CIB1: variants seen among roughly 807,000 people sequenced by gnomAD.
CIB1 encodes calcium and integrin-binding protein 1.
Under a neutral mutation model 25.0 loss-of-function variants are expected in CIB1, and 19 were observed. The observed-to-expected ratio is 0.76, with a 90% CI of 0.53 to 1.12. The LOEUF (loss-of-function observed/expected upper bound fraction) is 1.12, where lower values mean the gene tolerates loss of function less well. CIB1 is among the 50% of genes most tolerant of loss of function. CIB1 has a pLI of 0.00. For synonymous variants in CIB1, 104 were observed against 98.5 expected (o/e 1.06, Z -0.33); for missense variants, 236 against 242.6 (o/e 0.97, Z 0.18).
In CIB1 at chr15:90,230,399, C is replaced by T. The variant is rs1596169611; in HGVS notation, c.*85G>A. On this transcript the variant is annotated 3_prime_UTR_variant, in exon 7 of 7. Coordinates refer to ENST00000328649, the MANE Select transcript of CIB1 (RefSeq NM_006384.4). ...CCAGGCTGGGCCAGCTTGGCCCGCACTGGCAACACAGGCTTGACCTTGGCC... is the reference window on the plus strand; with the variant it reads ...CCAGGCTGGGCCAGCTTGGCCCGCATTGGCAACACAGGCTTGACCTTGGCC... 1 of 1,514,332 alleles carries T rather than the reference C, an allele frequency of 6.6e-7. No individual in the cohort carries two copies. Among genetic ancestry groups the T allele is most frequent in the East Asian group, 2.5e-5 (1 of 40,696 alleles). 93.8% of individuals were successfully genotyped at this position (1,514,332 alleles called of 1,614,324 possible). A position where few individuals can be genotyped will look rare whatever the true frequency, so the allele number is the denominator to read the frequency against.
chr15:90,231,104 G>A lies in CIB1; in HGVS notation c.456C>T (p.Leu152=), dbSNP rs762300810. Residue 152 remains leucine, a synonymous_variant, in exon 5 of 7, where the codon CTC becomes CTT. Coordinates refer to ENST00000328649, the MANE Select transcript of CIB1 (RefSeq NM_006384.4). ...CTGCTCAGCTGCTCACGTTGTCGAT[G>A]AGCTGCTTCATCTCAGACGCACTAA... ...TRLSASEMKQ[L]IDNILEESDI... 1.9e-6 allele frequency: 3 copies of A among 1,614,172 alleles called. No individual in the cohort carries two copies. The highest frequency in any genetic ancestry group is 8.5e-7 in the Non-Finnish European group (1 of 1,179,988).
At chr15:90,241,204 A>T in the CIB1 span, 11 of 1,614,176 alleles carry the variant, frequency 6.8e-6, no homozygotes, top group Non-Finnish European at 8.5e-6. Flanking sequence ...GCTCAGCTGA[A>T]TGTGGAGCGT....
chr15:90,261,283 T>C, the CIB1 span, among the ~76,000 whole-genome samples: 1 of 151,698 alleles, frequency 6.6e-6, no homozygotes, highest in Non-Finnish European at 1.5e-5. Context: ...TTCGCTATGT[T>C]GGCCAGGCTG....
chr15:90,257,488 C>A, the CIB1 span: 3 of 968,494 alleles, frequency 3.1e-6, no homozygotes, highest in Non-Finnish European at 4.5e-6. Context: ...ACACTCTTCC[C>A]CAGGATCATC....
At chr15:90,246,745 G>GCCA in the CIB1 span, among the ~76,000 whole-genome samples, 1 of 124,846 alleles carries the variant, frequency 8.0e-6, no homozygotes, top group Non-Finnish European at 1.6e-5. Context: ...CCGAGATTGA[G>GCCA]CCATTGCACT....
rs900284013 is a variant in CIB1, at chr15:90,232,341, G to C, written c.87-14C>G. ...CGCCTGTGGGCTCTGGTAGAGAGAG[G>C]GGAACTGTCGGTGTTCTCAGCGATC... On this transcript the variant is annotated splice_polypyrimidine_tract_variant and intron_variant, in intron 2 of 6. Coordinates refer to ENST00000328649, the MANE Select transcript of CIB1 (RefSeq NM_006384.4). The C allele has an allele frequency of 6.3e-7, 1 of 1,591,386 alleles. No individual in the cohort carries two copies. Among genetic ancestry groups the C allele is most frequent in the Admixed American group, 1.7e-5 (1 of 57,982 alleles).
the CIB1 span, chr15:90,262,874 G>A: frequency 6.6e-6 from 9 of 1,373,638 alleles, no homozygotes; most frequent in Non-Finnish European, 8.7e-6. Context: ...AAGGGATGAG[G>A]GTAGAGTGGG....
At chr15:90,260,238 C>G in the CIB1 span, among the ~76,000 whole-genome samples, 1 of 152,226 alleles carries the variant, frequency 6.6e-6, no homozygotes, top group African/African-American at 2.4e-5. Flanking sequence ...TGGCTCACAC[C>G]TGTAATCCCA....
At chr15:90,249,358 T>C in the CIB1 span, among the ~76,000 whole-genome samples, 3 of 152,030 alleles carry the variant, frequency 2.0e-5, no homozygotes, top group African/African-American at 7.2e-5. Context: ...GCGGGAGGGC[T>C]GCAAGTCCCA....
Position 90,231,218 on chromosome 15 carries a change from A to G in CIB1, c.347-5T>C. Reference sequence around the variant, plus strand: ...AGGTTCCGTCATCATCAAAGTCTAGAGAGCAGACACAGGAAGCCAAAAGAC... The same window carrying G: ...AGGTTCCGTCATCATCAAAGTCTAGGGAGCAGACACAGGAAGCCAAAAGAC... On this transcript the variant is annotated splice_polypyrimidine_tract_variant and splice_region_variant and intron_variant, in intron 4 of 6. Transcript: ENST00000328649. 7 of 403,808 alleles carry G rather than the reference A, an allele frequency of 1.7e-5. No homozygotes were observed. The highest frequency in any genetic ancestry group is 5.5e-4 in the Middle Eastern group (1 of 1,830). 25.0% of individuals were successfully genotyped at this position (403,808 alleles called of 1,614,324 possible).
At chr15:90,264,963 G>C in the CIB1 span, 1 of 1,534,324 alleles carries the variant, frequency 6.5e-7, no homozygotes, top group Non-Finnish European at 8.7e-7. Flanking sequence ...AATCAGTTCA[G>C]GTAAAAGCAG....
At chr15:90,260,193 C>A in the CIB1 span, among the ~76,000 whole-genome samples, 2 of 152,136 alleles carry the variant, frequency 1.3e-5, no homozygotes, top group African/African-American at 4.8e-5. Flanking sequence ...GAGTACTAGG[C>A]AGCCATTTAA....
chr15:90,257,035 T>A, the CIB1 span: 1 of 1,133,092 alleles, frequency 8.8e-7, no homozygotes, highest in Non-Finnish European at 1.3e-6. Flanking sequence ...TTTACATGGT[T>A]ATTGTGGAAA....
the CIB1 span, among the ~76,000 whole-genome samples, chr15:90,251,802 A>G: frequency 7.2e-6 from 1 of 139,226 alleles, no homozygotes; most frequent in African/African-American, 2.7e-5. Context: ...AGTGTTAGGG[A>G]GGGTATCCTC....
the CIB1 span, among the ~76,000 whole-genome samples, chr15:90,248,116 G>A: frequency 2.0e-5 from 3 of 151,576 alleles, no homozygotes; most frequent in Admixed American, 6.6e-5. Context: ...CATAGCTCAC[G>A]GCATCCTCTT....
At chr15:90,250,964 G>C in the CIB1 span, 1 of 1,527,396 alleles carries the variant, frequency 6.5e-7, no homozygotes, top group Non-Finnish European at 8.8e-7. Flanking sequence ...ATCTGGAGGA[G>C]CTGGGATCTC....
Position 90,230,333 on chromosome 15 carries a change from A to C in CIB1, c.*151T>G, listed in dbSNP as rs187381937. On this transcript the variant is annotated 3_prime_UTR_variant, in exon 7 of 7. Coordinates refer to ENST00000328649, the MANE Select transcript of CIB1 (RefSeq NM_006384.4). Reference sequence around the variant, plus strand: ...GCAGTGAGGAGAGGCCCTGACAACGAGGGCCGCCCCTGCCCGGGGTGAGGC... The same window carrying C: ...GCAGTGAGGAGAGGCCCTGACAACGCGGGCCGCCCCTGCCCGGGGTGAGGC... 1,058 of 796,142 alleles carry C rather than the reference A, an allele frequency of 1.3e-3. 6 individuals carry two copies. In the African/African-American group the frequency reaches 0.016, roughly 12 times the overall value. The allele number at this position is 796,142 out of a possible 1,614,324, so 49.3% of individuals were successfully genotyped here.
chr15:90,242,095 T>C, the CIB1 span: 130 of 1,548,102 alleles, frequency 8.4e-5, no homozygotes, highest in Non-Finnish European at 1.1e-4. Context: ...TGTTCTTTTT[T>C]TCTTTTCTTT....
chr15:90,264,139 T>C, the CIB1 span: 4 of 825,448 alleles, frequency 4.8e-6, no homozygotes, highest in Non-Finnish European at 7.6e-6. Flanking sequence ...GCCCCTAAAA[T>C]ATAATATGGC....
Sources: gnomAD v4.1 joint callset for allele counts (sites outside exome capture counted in the v4.1 genomes callset) on GRCh38, gnomAD v4.1.1 for gene constraint, MANE v1.5 for transcripts, NCBI Gene and HGNC (gene_info 2026-07-23, HGNC 2026-07-21) for gene names.